PPP6R2: variants seen among roughly 807,000 people sequenced by gnomAD.
The protein encoded by PPP6R2 is serine/threonine-protein phosphatase 6 regulatory subunit 2.
In PPP6R2, 62 loss-of-function variants were observed where a neutral mutation model predicts 100.2. That is an observed-to-expected ratio of 0.62 (90% CI 0.50 to 0.76). The LOEUF (loss-of-function observed/expected upper bound fraction) is 0.76, where lower values mean the gene tolerates loss of function less well. Ranked by LOEUF, PPP6R2 falls within the 30% of genes least tolerant of loss-of-function variation. The pLI is 0.00. For synonymous variants in PPP6R2, 525 were observed against 514.7 expected, an observed-to-expected ratio of 1.02 and a Z score of -0.27; for missense variants, 1,142 against 1,276.3, an observed-to-expected ratio of 0.89 and a Z score of 1.60.
chr22:50,363,097 T>TA (rs1293795092), intron 1 of PPP6R2, among the ~76,000 whole-genome samples: 10 of 152,036 alleles, frequency 6.6e-5, no homozygotes, highest in African/African-American at 2.4e-4. Flanking sequence ...TGTGGGGATT[T>TA]AAAAAAAATG....
intron 2 of PPP6R2, among the ~76,000 whole-genome samples, chr22:50,381,752 C>T (rs2053085141): frequency 6.6e-6 from 1 of 151,684 alleles, no homozygotes; most frequent in South Asian, 2.1e-4. Context: ...ACTAAAAATA[C>T]AAAAAATTAG....
intron 10 of PPP6R2, among the ~76,000 whole-genome samples, chr22:50,424,469 A>AG (rs1281344298): frequency 4.0e-5 from 6 of 148,900 alleles, no homozygotes; most frequent in Admixed American, 4.0e-4. Context: ...AGCGTGTGGA[A>AG]GGTCCGTCCG....
intron 11 of PPP6R2, 60 bp from the exon 12 acceptor site, chr22:50,432,205 G>A (rs1482070999): frequency 6.9e-7 from 1 of 1,446,236 alleles, no homozygotes; most frequent in Non-Finnish European, 9.5e-7. Flanking sequence ...AGGGATGGGT[G>A]GAGGGGTGCG....
At chr22:50,443,487 G>T (rs1271542884) in intron 22 of PPP6R2, 1 of 194,956 alleles carries the variant, frequency 5.1e-6, no homozygotes. Flanking sequence ...GCCCGGCAGG[G>T]TCCTCTCTAC....
At chr22:50,354,795 C>T (rs1308732347) in intron 1 of PPP6R2, among the ~76,000 whole-genome samples, 1 of 151,820 alleles carries the variant, frequency 6.6e-6, no homozygotes, top group Non-Finnish European at 1.5e-5. Context: ...GAGACTCTCT[C>T]TCGTACACGT....
chr22:50,378,810 A>T (rs964392597), intron 2 of PPP6R2, among the ~76,000 whole-genome samples: 1 of 150,202 alleles, frequency 6.7e-6, no homozygotes, highest in African/African-American at 2.4e-5. Context: ...AGCCCAGGAG[A>T]TTGAGACTGC....
At chr22:50,413,046 C>T (rs111283004) in intron 4 of PPP6R2, among the ~76,000 whole-genome samples, 28,818 of 150,542 alleles carry the variant, frequency 0.19, 3,008 homozygotes, top group East Asian at 0.24. Flanking sequence ...CCGCAATCTC[C>T]GCCTCCCAGG....
intron 2 of PPP6R2, chr22:50,393,535 G>A (rs2056094143): frequency 1.0e-6 from 1 of 985,148 alleles, no homozygotes; most frequent in African/African-American, 1.7e-5. Flanking sequence ...GGTGGGTGGG[G>A]GACAGTGTGG....
chr22:50,365,678 CAAA>C (rs1199182923), intron 1 of PPP6R2, among the ~76,000 whole-genome samples: 7 of 78,670 alleles, frequency 8.9e-5, no homozygotes, highest in Admixed American at 2.7e-4. Context: ...GACTCTGTCT[CAAA>C]AAAAAAAAAA....
intron 10 of PPP6R2, among the ~76,000 whole-genome samples, chr22:50,425,836 G>A (rs539618507): frequency 6.7e-6 from 1 of 149,506 alleles, no homozygotes; most frequent in South Asian, 2.1e-4. Flanking sequence ...TTGGAGAAAT[G>A]TCTATTCAAG....
At chr22:50,443,605 T>C (rs2066358954) in intron 22 of PPP6R2, 1 of 539,642 alleles carries the variant, frequency 1.9e-6, no homozygotes, top group East Asian at 2.9e-5. Flanking sequence ...CGCTTGATGA[T>C]GAGCAGGATC....
At chr22:50,384,736 T>C (rs2053856665) in intron 2 of PPP6R2, among the ~76,000 whole-genome samples, 1 of 152,114 alleles carries the variant, frequency 6.6e-6, no homozygotes, top group African/African-American at 2.4e-5. Flanking sequence ...TTCTTCCTTT[T>C]TTTTTTGTTT....
intron 1 of PPP6R2, among the ~76,000 whole-genome samples, chr22:50,369,748 C>T (rs2049597315): frequency 6.6e-6 from 1 of 151,860 alleles, no homozygotes; most frequent in Admixed American, 6.6e-5. Flanking sequence ...CTCAAGTGAT[C>T]ACCCACCTCG....
At chr22:50,413,430 G>C (rs995768832) in intron 4 of PPP6R2, among the ~76,000 whole-genome samples, 2 of 152,110 alleles carry the variant, frequency 1.3e-5, no homozygotes, top group African/African-American at 4.8e-5. Context: ...GAAGGTGGAG[G>C]CTGCAGTGAG....
chr22:50,444,796 A>T lies in PPP6R2; in HGVS notation c.*549A>T, dbSNP rs1360484542. 1 of 156,556 alleles carries T rather than the reference A, an allele frequency of 6.4e-6. No homozygotes were observed. The highest frequency in any genetic ancestry group is 1.9e-4 in the East Asian group (1 of 5,236). 9.7% of individuals were successfully genotyped at this position (156,556 alleles called of 1,614,324 possible). A position where few individuals can be genotyped will look rare whatever the true frequency, so the allele number is the denominator to read the frequency against. On this transcript the variant is annotated 3_prime_UTR_variant, in exon 24 of 24. Coordinates refer to ENST00000612753, the MANE Select transcript of PPP6R2 (RefSeq NM_001242898.2). Reference sequence around the variant, plus strand: ...CAATAGCCCTTGGAGCTGGCACTGAACCAGGCTGCAAGATTTGACTGCCTT... The same window carrying T: ...CAATAGCCCTTGGAGCTGGCACTGATCCAGGCTGCAAGATTTGACTGCCTT...
intron 2 of PPP6R2, among the ~76,000 whole-genome samples, chr22:50,380,841 T>A (rs1358609397): frequency 6.6e-6 from 1 of 151,148 alleles, no homozygotes. Flanking sequence ...TACAAAAAAT[T>A]AGCCGGGCGT....
the PPP6R2 span, among the ~76,000 whole-genome samples, chr22:50,333,169 C>G: frequency 6.6e-6 from 1 of 151,832 alleles, no homozygotes; most frequent in Non-Finnish European, 1.5e-5. Context: ...CTTAGCACTT[C>G]TGTTAAAAAA....
At chr22:50,389,585 G>A (rs1001882795) in intron 2 of PPP6R2, among the ~76,000 whole-genome samples, 11 of 143,524 alleles carry the variant, frequency 7.7e-5, no homozygotes, top group African/African-American at 1.3e-4. Context: ...ATGGAGTCTC[G>A]CGCTGTCGCC....
rs111888864 is a variant in PPP6R2 at position 50,426,426 on chromosome 22, C to G, written c.1125+2812C>G. On this transcript the variant is annotated intron_variant, in intron 10 of 23. Coordinates refer to ENST00000612753, the MANE Select transcript of PPP6R2 (RefSeq NM_001242898.2). ...TCCTTCAAAAAGTTGTATGTTTTCT[C>G]TCTTATGTTTAGGTCTTTAATCCAT... Among the ~76,000 whole-genome samples, 20 of 152,250 alleles carry G rather than the reference C, an allele frequency of 1.3e-4. 2 individuals carry two copies. The highest frequency in any genetic ancestry group is 4.6e-4 in the African/African-American group (19 of 41,542).
Sources: gnomAD v4.1 joint callset for allele counts (sites outside exome capture counted in the v4.1 genomes callset) on GRCh38, gnomAD v4.1.1 for gene constraint, MANE v1.5 for transcripts, NCBI Gene and HGNC (gene_info 2026-07-23, HGNC 2026-07-21) for gene names.